The following PHACTR4 variants were observed in gnomAD, a reference collection of about 807,000 sequenced individuals.
PHACTR4 encodes the protein protein phosphatase 1, regulatory subunit 124.
PHACTR4 carries 51 observed loss-of-function variants against 72.7 expected under a neutral mutation model. That is an observed-to-expected ratio of 0.70 (90% CI 0.56 to 0.89). The LOEUF (loss-of-function observed/expected upper bound fraction) is 0.89, where lower values mean the gene tolerates loss of function less well. Among genes scored for constraint, PHACTR4 ranks in the 40% least tolerant of loss-of-function variants. PHACTR4 has a pLI of 0.00. For missense variants in PHACTR4, 731 were observed against 861.8 expected (o/e 0.85, Z 1.90); for synonymous variants, 255 against 302.5 (o/e 0.84, Z 1.63).
chr1:28,389,404 A>AGGGG, intron 1 of PHACTR4, among the ~76,000 whole-genome samples: 1 of 152,082 alleles, frequency 6.6e-6, no homozygotes, highest in Non-Finnish European at 1.5e-5. Flanking sequence ...AAAAAAAATA[A>AGGGG]CAAGTGTTGG....
intron 1 of PHACTR4, among the ~76,000 whole-genome samples, chr1:28,385,188 T>A (rs1652463627): frequency 6.6e-6 from 1 of 152,168 alleles, no homozygotes; most frequent in Non-Finnish European, 1.5e-5. Flanking sequence ...GTATGATATA[T>A]CTTTGTTTTC....
chr1:28,406,556 A>G (rs1328679028), intron 1 of PHACTR4, among the ~76,000 whole-genome samples: 1 of 152,204 alleles, frequency 6.6e-6, no homozygotes, highest in Non-Finnish European at 1.5e-5. Flanking sequence ...GATTGCTAGT[A>G]CGAGTAGCCC....
intron 2 of PHACTR4, among the ~76,000 whole-genome samples, chr1:28,452,805 A>G (rs1439018535): frequency 6.6e-6 from 1 of 150,870 alleles, no homozygotes; most frequent in Non-Finnish European, 1.5e-5. Flanking sequence ...CAAAAAATAA[A>G]AAATACAAAC....
intron 9 of PHACTR4, among the ~76,000 whole-genome samples, chr1:28,484,643 T>G (rs1305684662): frequency 6.6e-6 from 1 of 151,554 alleles, no homozygotes; most frequent in East Asian, 1.9e-4. Flanking sequence ...CCATATAAAC[T>G]CTCTCTTTTT....
chr1:28,496,434 G>T (rs905497544), intron 13 of PHACTR4, 100 bp from the exon 14 acceptor site: 14 of 1,306,102 alleles, frequency 1.1e-5, no homozygotes, highest in Non-Finnish European at 1.3e-5. Flanking sequence ...GCAGAGGAAA[G>T]GCAGTGTTAA....
chr1:28,474,216 T>C (rs578114704), intron 7 of PHACTR4, 65 bp downstream of exon 7: 4 of 1,441,638 alleles, frequency 2.8e-6, no homozygotes, highest in South Asian at 2.7e-5. Context: ...TTGGAAAAAA[T>C]TACTTATAAA....
At chr1:28,469,261 A>C (rs868294773) in intron 6 of PHACTR4, among the ~76,000 whole-genome samples, 19 of 152,330 alleles carry the variant, frequency 1.2e-4, no homozygotes, top group East Asian at 3.9e-4. Flanking sequence ...TAGAAAAAAA[A>C]CCAACAATCT....
At chr1:28,434,247 C>G (rs1656483782) in intron 2 of PHACTR4, among the ~76,000 whole-genome samples, 1 of 152,028 alleles carries the variant, frequency 6.6e-6, no homozygotes, top group Non-Finnish European at 1.5e-5. Flanking sequence ...GGCATTTAAC[C>G]TCTTTGAACC....
chr1:28,392,251 G>A (rs182725845), intron 1 of PHACTR4, among the ~76,000 whole-genome samples: 16 of 152,242 alleles, frequency 1.1e-4, no homozygotes, highest in African/African-American at 3.8e-4. Context: ...CACTGAGTCT[G>A]CTACATGCCC....
Position 28,465,324 on chromosome 1 carries a change from T to G in PHACTR4, c.272-361T>G, listed in dbSNP as rs575931499. ...AAAAATACAAAAAATTAGTCGGGCG[T>G]GGTGGCAGGCGTCTAGTCCCAGATA... On this transcript the variant is annotated intron_variant, in intron 4 of 13. Transcript: ENST00000373839. Among the ~76,000 whole-genome samples, 7 of 151,762 alleles carry G rather than the reference T, an allele frequency of 4.6e-5. No individual in the cohort carries two copies. In the South Asian group the frequency reaches 1.5e-3, roughly 32 times the overall value.
intron 9 of PHACTR4, among the ~76,000 whole-genome samples, chr1:28,483,214 C>T (rs1483714875): frequency 6.6e-6 from 1 of 151,520 alleles, no homozygotes; most frequent in Non-Finnish European, 1.5e-5. Context: ...GGCAACATGA[C>T]AAGACCCTGT....
chr1:28,465,334 C>T (rs142555864), intron 4 of PHACTR4, among the ~76,000 whole-genome samples: 4 of 152,130 alleles, frequency 2.6e-5, no homozygotes, highest in South Asian at 2.1e-4. Flanking sequence ...TGGTGGCAGG[C>T]GTCTAGTCCC....
intron 1 of PHACTR4, among the ~76,000 whole-genome samples, chr1:28,381,829 A>G (rs1397707564): frequency 1.3e-5 from 2 of 151,970 alleles, no homozygotes; most frequent in Non-Finnish European, 2.9e-5. Flanking sequence ...TTGGAGTGCA[A>G]TGGCACAATC....
At chr1:28,457,792 G>T in intron 2 of PHACTR4, 1 of 982,806 alleles carries the variant, frequency 1.0e-6, no homozygotes, top group Non-Finnish European at 1.2e-6. Flanking sequence ...TTAATTTCAG[G>T]ATGGTTTTTC....
At chr1:28,388,423 A>G (rs1177926675) in intron 1 of PHACTR4, among the ~76,000 whole-genome samples, 1 of 152,236 alleles carries the variant, frequency 6.6e-6, no homozygotes, top group African/African-American at 2.4e-5. Context: ...AGGTATGGTC[A>G]ATTGATTTTC....
At chr1:28,440,600 C>T (rs992762470) in intron 2 of PHACTR4, among the ~76,000 whole-genome samples, 1 of 151,688 alleles carries the variant, frequency 6.6e-6, no homozygotes, top group South Asian at 2.1e-4. Flanking sequence ...AAATCAGGAG[C>T]TTAACTAAGT....
intron 9 of PHACTR4, among the ~76,000 whole-genome samples, chr1:28,487,578 G>T (rs998037288): frequency 6.7e-6 from 1 of 149,582 alleles, no homozygotes; most frequent in Non-Finnish European, 1.5e-5. Context: ...TATAGAATGG[G>T]ACTGGAAGTT....
At chr1:28,380,836 T>G (rs1652107923) in intron 1 of PHACTR4, among the ~76,000 whole-genome samples, 1 of 152,062 alleles carries the variant, frequency 6.6e-6, no homozygotes, top group South Asian at 2.1e-4. Flanking sequence ...ATAGAATGAT[T>G]TATATTCCTT....
At chr1:28,471,029 AG>A (rs973973999) in intron 6 of PHACTR4, among the ~76,000 whole-genome samples, 4 of 136,544 alleles carry the variant, frequency 2.9e-5, no homozygotes, top group African/African-American at 1.3e-4. Flanking sequence ...TTGTCTCAAA[AG>A]AAAAAAAAAA....
Sources: gnomAD v4.1 joint callset for allele counts (sites outside exome capture counted in the v4.1 genomes callset) on GRCh38, gnomAD v4.1.1 for gene constraint, MANE v1.5 for transcripts, NCBI Gene and HGNC (gene_info 2026-07-23, HGNC 2026-07-21) for gene names.